The following BACH2 variants were observed in gnomAD, a reference collection of about 807,000 sequenced individuals.
BACH2 encodes the protein BACH transcriptional regulator 2.
In BACH2, 5 loss-of-function variants were observed where a neutral mutation model predicts 61.8. The observed-to-expected ratio is 0.08, with a 90% confidence interval of 0.04 to 0.17. The LOEUF (loss-of-function observed/expected upper bound fraction) is 0.17, where lower values mean the gene tolerates loss of function less well. Ranked by LOEUF, BACH2 falls within the 10% of genes least tolerant of loss-of-function variation. The probability of loss-of-function intolerance (pLI) is 1.00; values close to 1 mark genes in which losing one functional copy is unlikely to be tolerated. For missense variants in BACH2, 824 were observed against 1,091.1 expected (o/e 0.76, Z 3.45); for synonymous variants, 446 against 440.1 (o/e 1.01, Z -0.17).
intron 3 of BACH2, among the ~76,000 whole-genome samples, chr6:90,209,868 C>G (rs9344995): frequency 6.6e-6 from 1 of 152,012 alleles, no homozygotes; most frequent in Non-Finnish European, 1.5e-5. Context: ...ACACACAGAA[C>G]GTTTTAAAAT....
At chr6:90,172,778 GAGA>G (rs776146658) in intron 4 of BACH2, among the ~76,000 whole-genome samples, 20 of 152,194 alleles carry the variant, frequency 1.3e-4, no homozygotes, top group Admixed American at 6.5e-4. Context: ...GCGATGATCT[GAGA>G]AGAAGAAATG....
chr6:90,212,182 G>A (rs967620934), intron 3 of BACH2, among the ~76,000 whole-genome samples: 1 of 152,092 alleles, frequency 6.6e-6, no homozygotes, highest in African/African-American at 2.4e-5. Context: ...TCTTCAACTG[G>A]AGACTTTCAA....
At chr6:90,270,149 G>A (rs1771473645) in intron 2 of BACH2, among the ~76,000 whole-genome samples, 1 of 152,092 alleles carries the variant, frequency 6.6e-6, no homozygotes, top group Admixed American at 6.5e-5. Flanking sequence ...TATTTAAGCT[G>A]GTTCCATATT....
chr6:89,969,095 C>T (rs1457976074), intron 6 of BACH2, among the ~76,000 whole-genome samples: 3 of 146,822 alleles, frequency 2.0e-5, no homozygotes, highest in Admixed American at 1.4e-4. Context: ...CTCTTGTTGC[C>T]CAGGCTGGAG....
intron 5 of BACH2, among the ~76,000 whole-genome samples, chr6:90,075,294 A>C (rs1781423261): frequency 6.6e-6 from 1 of 152,208 alleles, no homozygotes; most frequent in Non-Finnish European, 1.5e-5. Context: ...TGAATAAAGC[A>C]AAGTCTGTAA....
At chr6:89,981,441 G>A (rs1032644581) in intron 6 of BACH2, among the ~76,000 whole-genome samples, 2 of 151,938 alleles carry the variant, frequency 1.3e-5, no homozygotes, top group Admixed American at 6.6e-5. Context: ...GCGCCTGGCC[G>A]ATTCCTGTTT....
intron 4 of BACH2, among the ~76,000 whole-genome samples, chr6:90,196,577 T>G (rs1768765519): frequency 6.6e-6 from 1 of 152,170 alleles, no homozygotes; most frequent in Non-Finnish European, 1.5e-5. Flanking sequence ...CACAGCAAAT[T>G]GTTTATGGGT....
chr6:90,286,558 T>C (rs1772022846), intron 1 of BACH2, among the ~76,000 whole-genome samples: 1 of 152,190 alleles, frequency 6.6e-6, no homozygotes, highest in South Asian at 2.1e-4. Context: ...AAGAAAATGA[T>C]ACTACAATGA....
chr6:90,093,767 A>G (rs1782269723), intron 4 of BACH2, among the ~76,000 whole-genome samples: 1 of 152,190 alleles, frequency 6.6e-6, no homozygotes, highest in African/African-American at 2.4e-5. Flanking sequence ...ACAATGGTGA[A>G]TAAGAGTACC....
chr6:89,988,424 A>G (rs953834436), intron 6 of BACH2, among the ~76,000 whole-genome samples: 33 of 152,202 alleles, frequency 2.2e-4, no homozygotes, highest in Non-Finnish European at 4.9e-4. Context: ...GCTTGACATA[A>G]TAACTGAGCC....
chr6:90,071,533 G>A (rs897662996), intron 5 of BACH2, among the ~76,000 whole-genome samples: 1 of 152,248 alleles, frequency 6.6e-6, no homozygotes, highest in Non-Finnish European at 1.5e-5. Context: ...AGATGAGCTG[G>A]TGTGAGAGAA....
chr6:90,019,045 A>C (rs947713621), intron 5 of BACH2, among the ~76,000 whole-genome samples: 1 of 152,154 alleles, frequency 6.6e-6, no homozygotes, highest in Non-Finnish European at 1.5e-5. Context: ...CTCCATTCTT[A>C]GTTTTCAAAT....
intron 1 of BACH2, among the ~76,000 whole-genome samples, chr6:90,292,291 A>G (rs1772203611): frequency 6.6e-6 from 1 of 152,260 alleles, no homozygotes; most frequent in African/African-American, 2.4e-5. Context: ...AATGAAGTAC[A>G]TTCAGGCAAG....
chr6:90,100,778 C>G (rs1158000759), intron 4 of BACH2, among the ~76,000 whole-genome samples: 1 of 151,622 alleles, frequency 6.6e-6, no homozygotes, highest in Non-Finnish European at 1.5e-5. Flanking sequence ...CTCTGCAGAA[C>G]CCTAACTAAT....
chr6:90,177,037 T>C (rs984347093), intron 4 of BACH2, among the ~76,000 whole-genome samples: 4 of 152,176 alleles, frequency 2.6e-5, no homozygotes, highest in Non-Finnish European at 5.9e-5. Flanking sequence ...TAAAATATTA[T>C]TTCATGGGTC....
At chr6:90,133,647 C>T (rs1325430426) in intron 4 of BACH2, among the ~76,000 whole-genome samples, 1 of 151,884 alleles carries the variant, frequency 6.6e-6, no homozygotes, top group Non-Finnish European at 1.5e-5. Flanking sequence ...CTGATTAAGT[C>T]GTCATTTAAC....
At chr6:89,940,558 TAA>T (rs1052446185) in intron 7 of BACH2, among the ~76,000 whole-genome samples, 1 of 152,216 alleles carries the variant, frequency 6.6e-6, no homozygotes, top group African/African-American at 2.4e-5. Context: ...GCTGCCAGGC[TAA>T]GAGACAACGT....
At chr6:90,026,349 A>C (rs1778636843) in intron 5 of BACH2, among the ~76,000 whole-genome samples, 1 of 152,160 alleles carries the variant, frequency 6.6e-6, no homozygotes, top group African/African-American at 2.4e-5. Context: ...TTAGTTTTGC[A>C]AGATTTTCCA....
intron 8 of BACH2, among the ~76,000 whole-genome samples, chr6:89,934,925 G>A (rs999317058): frequency 4.6e-5 from 7 of 152,270 alleles, no homozygotes; most frequent in South Asian, 2.1e-4. Flanking sequence ...GGCAGGCGGC[G>A]TGGGCATGTG....
Sources: allele counts gnomAD v4.1 joint callset (sites outside exome capture counted in the v4.1 genomes callset), GRCh38; gene constraint gnomAD v4.1.1; transcripts MANE v1.5; gene names NCBI Gene and HGNC (gene_info 2026-07-23, HGNC 2026-07-21).